Variants in CDH12 observed in about 807,000 individuals in gnomAD.
CDH12 encodes the protein cadherin 12, also known as cadherin-12.
In CDH12, 41 loss-of-function variants were observed where a neutral mutation model predicts 74.1. That is an observed-to-expected ratio of 0.55 (90% CI 0.43 to 0.72). The LOEUF is 0.72. CDH12 is among the 30% of genes least tolerant of loss of function. The pLI is 0.00. For synonymous variants in CDH12, 399 were observed against 355.0 expected, an observed-to-expected ratio of 1.12 and a Z score of -1.39; for missense variants, 945 against 977.2, an observed-to-expected ratio of 0.97 and a Z score of 0.44.
chr5:21,847,768 G>C (rs575711569), intron 7 of CDH12, among the ~76,000 whole-genome samples: 4 of 152,196 alleles, frequency 2.6e-5, no homozygotes, highest in South Asian at 2.1e-4. Context: ...GGCAATCACT[G>C]TTCTGTCTAG....
chr5:22,654,232 CTTTG>C (rs1739901553), intron 1 of CDH12, among the ~76,000 whole-genome samples: 1 of 137,382 alleles, frequency 7.3e-6, no homozygotes, highest in South Asian at 2.3e-4. Flanking sequence ...TTCTTTGTTT[CTTTG>C]TTTCTTTCTT....
At position 21,752,193 on chromosome 5, in the gene CDH12, T is replaced by G. The variant is rs771248874; in HGVS notation, c.1929A>C (p.Lys643Asn). The stretch of plus-strand genomic sequence containing the variant: ...CTTCTTTAGAGGTCATCAGGGTGTC[T>G]TTTTTCTTCTGCCTTCGCAGTGCTA... ...LYVALRRQKK[K>N]DTLMTSKEDI... Residue 643 changes from lysine to asparagine, a missense_variant, in exon 15 of 15, where the codon AAA becomes AAC. Lys to Asn is a moderately conservative substitution (Grantham distance 94). Transcript: ENST00000382254. The G allele has an allele frequency of 6.2e-7, 1 of 1,613,760 alleles. No homozygotes were observed. The highest frequency in any genetic ancestry group is 1.1e-5 in the South Asian group (1 of 91,060).
Position 22,529,224 on chromosome 5 carries a change from G to GA in CDH12, c.-522-23861dup, listed in dbSNP as rs1420091573. Among the ~76,000 whole-genome samples the GA allele has an allele frequency of 4.5e-4, 63 of 139,546 alleles. No homozygotes were observed. In the South Asian group the frequency reaches 7.2e-3, roughly 16 times the overall value. 91.5% of individuals were successfully genotyped at this position (139,546 alleles called of 152,430 possible). ...AGAGAGAGAGAGAGAGAGAGAGAGA[G>GA]AAGAGAGAGAGAGAGATTTATTATA... On this transcript the variant is annotated intron_variant, in intron 1 of 14. Transcript: ENST00000382254.
intron 1 of CDH12, among the ~76,000 whole-genome samples, chr5:22,696,370 CAAAAAA>C (rs1313736569): frequency 2.1e-5 from 2 of 96,550 alleles, no homozygotes; most frequent in African/African-American, 4.5e-5. Context: ...GACTCCGTCT[CAAAAAA>C]AAAAAAAAAA....
chr5:22,539,346 T>A (rs1036409646), intron 1 of CDH12, among the ~76,000 whole-genome samples: 1 of 152,210 alleles, frequency 6.6e-6, no homozygotes, highest in Non-Finnish European at 1.5e-5. Flanking sequence ...AGAGGTAATG[T>A]CTGCACATCA....
intron 1 of CDH12, among the ~76,000 whole-genome samples, chr5:22,535,154 TTTTC>T (rs1737780285): frequency 1.5e-5 from 2 of 131,926 alleles, no homozygotes; most frequent in East Asian, 5.0e-4. Context: ...TTTTTTTTTT[TTTTC>T]TTTTTTTTTT....
intron 1 of CDH12, among the ~76,000 whole-genome samples, chr5:22,735,885 T>C (rs943127315): frequency 2.0e-5 from 3 of 151,952 alleles, no homozygotes; most frequent in Non-Finnish European, 2.9e-5. Context: ...GAAGTGTCTA[T>C]ACGAAAAGTT....
chr5:22,544,213 T>C (rs952773950), intron 1 of CDH12, among the ~76,000 whole-genome samples: 1 of 152,120 alleles, frequency 6.6e-6, no homozygotes, highest in African/African-American at 2.4e-5. Context: ...CTTCCAATGA[T>C]GCAGAGTAGT....
chr5:22,678,044 T>TGGCCG (rs35237837), intron 1 of CDH12, among the ~76,000 whole-genome samples: 1 of 135,134 alleles, frequency 7.4e-6, no homozygotes, highest in South Asian at 2.6e-4. Context: ...ACCATCCTCA[T>TGGCCG]GGGGGGGGGG....
chr5:22,233,373 A>G (rs1752457939), intron 3 of CDH12, among the ~76,000 whole-genome samples: 1 of 152,012 alleles, frequency 6.6e-6, no homozygotes, highest in Non-Finnish European at 1.5e-5. Flanking sequence ...ACTATTTTAT[A>G]TGAGATTTAG....
intron 1 of CDH12, among the ~76,000 whole-genome samples, chr5:22,823,148 C>A (rs1188918648): frequency 6.6e-6 from 1 of 150,866 alleles, no homozygotes; most frequent in Non-Finnish European, 1.5e-5. Flanking sequence ...AAACCAAACA[C>A]CGCATGTTCT....
chr5:21,964,686 G>A (rs1209876342), intron 6 of CDH12, among the ~76,000 whole-genome samples: 1 of 151,902 alleles, frequency 6.6e-6, no homozygotes, highest in Non-Finnish European at 1.5e-5. Context: ...TTTTTGACTG[G>A]AAATGGGGAT....
At chr5:21,928,826 T>G (rs1474889674) in intron 6 of CDH12, among the ~76,000 whole-genome samples, 2 of 152,198 alleles carry the variant, frequency 1.3e-5, no homozygotes, top group Non-Finnish European at 2.9e-5. Context: ...TGGAAAAATC[T>G]ACATTCCACT....
At chr5:22,522,261 A>G (rs1737086893) in intron 1 of CDH12, among the ~76,000 whole-genome samples, 1 of 152,170 alleles carries the variant, frequency 6.6e-6, no homozygotes, top group Non-Finnish European at 1.5e-5. Context: ...AGAAGTATGG[A>G]TTAGGAACCA....
At chr5:22,290,101 G>A (rs552972527) in intron 3 of CDH12, among the ~76,000 whole-genome samples, 25 of 152,192 alleles carry the variant, frequency 1.6e-4, no homozygotes, top group Non-Finnish European at 3.2e-4. Flanking sequence ...CACGTCTATC[G>A]TAGGGTGCTT....
At chr5:22,491,637 A>C (rs1435151208) in intron 2 of CDH12, among the ~76,000 whole-genome samples, 2 of 151,766 alleles carry the variant, frequency 1.3e-5, no homozygotes, top group African/African-American at 2.4e-5. Context: ...AAAAAAACAA[A>C]AACAACAACA....
At chr5:22,804,240 C>T (rs900536149) in intron 1 of CDH12, among the ~76,000 whole-genome samples, 1 of 152,054 alleles carries the variant, frequency 6.6e-6, no homozygotes. Context: ...TTTTCTCTAC[C>T]TTTGAATTTG....
chr5:22,637,301 T>C (rs1315949689), intron 1 of CDH12, among the ~76,000 whole-genome samples: 1 of 152,158 alleles, frequency 6.6e-6, no homozygotes, highest in Non-Finnish European at 1.5e-5. Flanking sequence ...TTCTGTAAAG[T>C]TATACCCTAT....
rs148738284 is a variant in CDH12, at chr5:21,887,278, A to G, written c.527-32488T>C. On this transcript the variant is annotated intron_variant, in intron 6 of 14. Coordinates refer to ENST00000382254, the MANE Select transcript of CDH12 (RefSeq NM_004061.5). ...ATATTGTTTTCAGACACTATTTTGT[A>G]TGATTGATAAGAAGTTTAAACAAGA... 4.7e-3 allele frequency among the ~76,000 whole-genome samples: 715 copies of G among 152,162 alleles called. 7 individuals are homozygous for G. Among genetic ancestry groups the G allele is most frequent in the African/African-American group, 0.017 (689 of 41,522 alleles).
Sources: gnomAD v4.1 joint callset for allele counts (sites outside exome capture counted in the v4.1 genomes callset) on GRCh38, gnomAD v4.1.1 for gene constraint, MANE v1.5 for transcripts, NCBI Gene and HGNC (gene_info 2026-07-23, HGNC 2026-07-21) for gene names.